MRTFB: variants seen among roughly 807,000 people sequenced by gnomAD.
The protein encoded by MRTFB is myocardin-related transcription factor B.
In MRTFB, 29 loss-of-function variants were observed where a neutral mutation model predicts 104.2. That is an observed-to-expected ratio of 0.28 (90% confidence interval 0.21 to 0.38). The LOEUF is 0.38. MRTFB is among the 10% of genes least tolerant of loss of function. The probability of loss-of-function intolerance (pLI) is 1.00; values close to 1 mark genes in which losing one functional copy is unlikely to be tolerated. For synonymous variants in MRTFB, 535 were observed against 519.5 expected, an observed-to-expected ratio of 1.03 and a Z score of -0.41; for missense variants, 1,270 against 1,341.6, an observed-to-expected ratio of 0.95 and a Z score of 0.83.
the MRTFB span, among the ~76,000 whole-genome samples, chr16:14,036,335 C>T: frequency 9.2e-6 from 1 of 108,224 alleles, no homozygotes; most frequent in Non-Finnish European, 2.0e-5. Flanking sequence ...GTCCACCTGC[C>T]TCTGGGCAGT....
At chr16:14,186,919 T>C in intron 3 of MRTFB, 2 of 1,598,196 alleles carry the variant, frequency 1.3e-6, no homozygotes, top group Non-Finnish European at 1.7e-6. Context: ...CTCACCATGA[T>C]CGATAGCTCC....
At chr16:14,256,855 AC>A (rs1339254061) in intron 15 of MRTFB, among the ~76,000 whole-genome samples, 1 of 152,262 alleles carries the variant, frequency 6.6e-6, no homozygotes, top group Non-Finnish European at 1.5e-5. Flanking sequence ...AAATACAAAG[AC>A]CACTGAAAGT....
the MRTFB span, among the ~76,000 whole-genome samples, chr16:14,063,275 G>A: frequency 1.3e-5 from 2 of 152,258 alleles, no homozygotes; most frequent in South Asian, 2.1e-4. Context: ...CCATGTGCTC[G>A]GGGTGCACAT....
the MRTFB span, among the ~76,000 whole-genome samples, chr16:14,037,111 G>A: frequency 5.3e-5 from 8 of 152,268 alleles, no homozygotes; most frequent in Admixed American, 1.3e-4. Context: ...ATGGGCCACC[G>A]GTTTGCTTTG....
At chr16:14,255,395 C>G (rs887701883) in intron 15 of MRTFB, among the ~76,000 whole-genome samples, 2 of 152,180 alleles carry the variant, frequency 1.3e-5, no homozygotes, top group Non-Finnish European at 1.5e-5. Flanking sequence ...ACATTTCACA[C>G]AGAGCAAACA....
chr16:14,208,105 G>A (rs757470608), intron 3 of MRTFB, among the ~76,000 whole-genome samples: 1 of 152,200 alleles, frequency 6.6e-6, no homozygotes, highest in Non-Finnish European at 1.5e-5. Context: ...AGAATGACAC[G>A]CATCCGTGTT....
At chr16:14,017,733 T>G in the MRTFB span, among the ~76,000 whole-genome samples, 1 of 75,682 alleles carries the variant, frequency 1.3e-5, no homozygotes, top group African/African-American at 4.0e-5. Context: ...TTTTTTTTTT[T>G]TGAGACAGGG....
At chr16:14,136,348 A>ACAT (rs1719044200) in intron 2 of MRTFB, among the ~76,000 whole-genome samples, 1 of 152,110 alleles carries the variant, frequency 6.6e-6, no homozygotes, top group Admixed American at 6.5e-5. Context: ...ACTACTTTTC[A>ACAT]CATGTGTATT....
chr16:14,052,487 C>G, the MRTFB span, among the ~76,000 whole-genome samples: 8 of 152,098 alleles, frequency 5.3e-5, no homozygotes, highest in African/African-American at 1.9e-4. Flanking sequence ...CGTGTAATAC[C>G]AGCACTTTTG....
At chr16:14,101,780 A>G (rs1459771265) in intron 2 of MRTFB, among the ~76,000 whole-genome samples, 4 of 152,222 alleles carry the variant, frequency 2.6e-5, no homozygotes, top group African/African-American at 7.2e-5. Context: ...GTATTTCTCC[A>G]ATAAACTATT....
At chr16:14,015,137 ATGTAAG>A in the MRTFB span, among the ~76,000 whole-genome samples, 4 of 152,198 alleles carry the variant, frequency 2.6e-5, no homozygotes, top group Admixed American at 2.6e-4. Context: ...TGGGAAAGAA[ATGTAAG>A]TGTAAGTGTA....
the MRTFB span, among the ~76,000 whole-genome samples, chr16:14,011,011 C>A: frequency 6.6e-6 from 1 of 152,128 alleles, no homozygotes; most frequent in Admixed American, 6.5e-5. Context: ...ACAGGTGGGC[C>A]CCAGGCATAA....
chr16:14,190,261 A>G (rs2040119486), intron 3 of MRTFB, among the ~76,000 whole-genome samples: 1 of 152,242 alleles, frequency 6.6e-6, no homozygotes, highest in African/African-American at 2.4e-5. Flanking sequence ...TCTTTTGTCA[A>G]AGCAGCAACA....
chr16:14,049,244 C>T, the MRTFB span, among the ~76,000 whole-genome samples: 2 of 152,290 alleles, frequency 1.3e-5, no homozygotes, highest in Middle Eastern at 3.4e-3. Flanking sequence ...AGTTCTATGA[C>T]GTCCTTAATA....
Position 14,261,313 on chromosome 16 carries a change from G to A in MRTFB, c.3169G>A (p.Asp1057Asn). 1.9e-6 allele frequency: 3 copies of A among 1,614,044 alleles called. No individual in the cohort carries two copies. The highest frequency in any genetic ancestry group is 1.7e-6 in the Non-Finnish European group (2 of 1,180,008). The stretch of plus-strand genomic sequence containing the variant: ...TCTCGACCTGTCAGACTCAAACTTG[G>A]ACAACATGGAGTGGTTGGACATTAC... Reference protein sequence around the residue: ...LSLDLSDSNLDNMEWLDITMP... With the variant: ...LSLDLSDSNLNNMEWLDITMP... The change falls in exon 17 of 17, where the codon GAC becomes AAC. Residue 1057 changes from aspartate (D) to asparagine (N), a missense_variant. This residue lies in a region of MRTFB where 1,144 missense variants were observed against 1,131.5 expected (regional missense o/e 1.01). Coordinates refer to ENST00000571589, the MANE Select transcript of MRTFB (RefSeq NM_001308142.2).
chr16:14,195,102 C>G (rs1006623932), intron 3 of MRTFB, among the ~76,000 whole-genome samples: 2 of 152,110 alleles, frequency 1.3e-5, no homozygotes, highest in African/African-American at 4.8e-5. Context: ...TAGAGTTGCC[C>G]TTTTTCTCGT....
the MRTFB span, among the ~76,000 whole-genome samples, chr16:14,052,440 T>C: frequency 2.0e-5 from 3 of 152,284 alleles, no homozygotes; most frequent in African/African-American, 7.2e-5. Context: ...CTCTTCTAGC[T>C]ATTTTGAAAT....
intron 3 of MRTFB, among the ~76,000 whole-genome samples, chr16:14,162,063 C>G (rs2039058629): frequency 6.7e-6 from 1 of 149,998 alleles, no homozygotes; most frequent in African/African-American, 2.5e-5. Context: ...TGCCTCTAAT[C>G]CCAGTACTTT....
At chr16:14,110,500 A>G (rs1278196238) in intron 2 of MRTFB, among the ~76,000 whole-genome samples, 1 of 152,144 alleles carries the variant, frequency 6.6e-6, no homozygotes, top group Non-Finnish European at 1.5e-5. Flanking sequence ...TTCCTCATTT[A>G]TAAACTGGGG....
Sources: allele counts gnomAD v4.1 joint callset (sites outside exome capture counted in the v4.1 genomes callset), GRCh38; gene constraint gnomAD v4.1.1; regional missense constraint gnomAD v4.1.1; transcripts MANE v1.5; gene names NCBI Gene and HGNC (gene_info 2026-07-23, HGNC 2026-07-21).